Variants in SNX29 observed in about 807,000 individuals in gnomAD.
SNX29 encodes the protein sorting nexin 29.
In SNX29, 78 loss-of-function variants were observed where a neutral mutation model predicts 102.1. The ratio of observed to expected loss-of-function variants is 0.76; its 90% CI spans 0.64 to 0.92. The LOEUF (loss-of-function observed/expected upper bound fraction) is 0.92. Ranked by LOEUF, SNX29 falls within the 40% of genes least tolerant of loss-of-function variation. The pLI is 0.00. For missense variants in SNX29, 1,280 were observed against 1,061.7 expected, an observed-to-expected ratio of 1.21 and a Z score of -2.86; for synonymous variants, 580 against 414.5, an observed-to-expected ratio of 1.40 and a Z score of -4.85.
intron 20 of SNX29, among the ~76,000 whole-genome samples, chr16:12,551,493 A>G (rs1324369350): frequency 1.3e-5 from 2 of 152,186 alleles, no homozygotes; most frequent in South Asian, 2.1e-4. Context: ...TGCAACATTA[A>G]TCTTTGGGCC....
intron 6 of SNX29, 72 bp downstream of exon 6, chr16:12,046,526 C>T: frequency 3.5e-6 from 5 of 1,436,022 alleles, no homozygotes; most frequent in Non-Finnish European, 4.9e-6. Context: ...GGCAGTTCCA[C>T]AGCGCCATGG....
intron 14 of SNX29, among the ~76,000 whole-genome samples, chr16:12,266,581 T>G (rs1248836558): frequency 6.6e-6 from 1 of 151,346 alleles, no homozygotes; most frequent in African/African-American, 2.4e-5. Context: ...ATATATTTGC[T>G]ATTATGAATT....
chr16:12,151,435 A>G (rs2055295872), intron 13 of SNX29, among the ~76,000 whole-genome samples: 1 of 152,158 alleles, frequency 6.6e-6, no homozygotes, highest in Admixed American at 6.5e-5. Context: ...AGCTCATGCC[A>G]TTCTTATGTG....
At chr16:12,236,100 C>T (rs1404175401) in intron 14 of SNX29, among the ~76,000 whole-genome samples, 1 of 152,148 alleles carries the variant, frequency 6.6e-6, no homozygotes, top group African/African-American at 2.4e-5. Flanking sequence ...GCTTTACGTA[C>T]TTATTTCCCA....
At chr16:12,540,253 A>G (rs1023298550) in intron 20 of SNX29, among the ~76,000 whole-genome samples, 1 of 151,962 alleles carries the variant, frequency 6.6e-6, no homozygotes, top group Non-Finnish European at 1.5e-5. Context: ...CCCCACCCCC[A>G]GCGTAAGGTC....
intron 19 of SNX29, among the ~76,000 whole-genome samples, chr16:12,508,827 T>A (rs1235536032): frequency 3.3e-5 from 5 of 152,174 alleles, no homozygotes; most frequent in Non-Finnish European, 7.3e-5. Flanking sequence ...CCCAGCCATG[T>A]CCTACCCTGA....
intron 13 of SNX29, among the ~76,000 whole-genome samples, chr16:12,184,653 C>T (rs937034021): frequency 1.4e-4 from 21 of 152,288 alleles, no homozygotes; most frequent in African/African-American, 3.9e-4. Flanking sequence ...AAAAGGCTTC[C>T]AGGTACATTG....
intron 20 of SNX29, among the ~76,000 whole-genome samples, chr16:12,543,899 A>C: frequency 6.6e-6 from 1 of 152,160 alleles, no homozygotes; most frequent in East Asian, 1.9e-4. Context: ...GTATTCCTTC[A>C]TCCTGGATTG....
chr16:12,047,249 T>A (rs1414307822), intron 6 of SNX29, among the ~76,000 whole-genome samples: 2 of 152,222 alleles, frequency 1.3e-5, no homozygotes, highest in African/African-American at 4.8e-5. Flanking sequence ...GTCGGTGGAC[T>A]GTTACGTTGT....
At chr16:12,462,684 C>G (rs1022055007) in intron 18 of SNX29, among the ~76,000 whole-genome samples, 9 of 152,094 alleles carry the variant, frequency 5.9e-5, no homozygotes, top group African/African-American at 2.2e-4. Context: ...AAACAAGGGT[C>G]CAGCTTCTAT....
intron 16 of SNX29, among the ~76,000 whole-genome samples, chr16:12,364,876 C>T (rs2082415680): frequency 6.6e-6 from 1 of 152,192 alleles, no homozygotes. Flanking sequence ...GCTCCTTCCC[C>T]ACCACCTCCG....
rs753961907 is a variant in SNX29 at position 12,053,967 on chromosome 16, G to GTTTT, written c.1124+1747_1124+1750dup. On this transcript the variant is annotated intron_variant, in intron 8 of 20. Transcript: ENST00000566228. ...CTGTAATCCAAAGCTTATATTGTCA[G>GTTTT]TTTTTGTTTTTTTTTTTTGAGACAG... 4.8e-5 allele frequency among the ~76,000 whole-genome samples: 7 copies of GTTTT among 146,706 alleles called. 1 individual carries two copies. Among genetic ancestry groups the GTTTT allele is most frequent in the Admixed American group, 6.8e-5 (1 of 14,674 alleles).
At chr16:12,308,445 T>C (rs1221827665) in intron 15 of SNX29, among the ~76,000 whole-genome samples, 1 of 152,220 alleles carries the variant, frequency 6.6e-6, no homozygotes, top group African/African-American at 2.4e-5. Flanking sequence ...CCTGGATTGT[T>C]GCTGTAGCCT....
chr16:12,326,489 A>G (rs966722358), intron 15 of SNX29, among the ~76,000 whole-genome samples: 10 of 152,134 alleles, frequency 6.6e-5, no homozygotes, highest in African/African-American at 2.2e-4. Flanking sequence ...TGTGATGGCC[A>G]TGTGGTCTCT....
chr16:12,319,048 A>G (rs2080844973), intron 15 of SNX29, among the ~76,000 whole-genome samples: 1 of 152,166 alleles, frequency 6.6e-6, no homozygotes, highest in African/African-American at 2.4e-5. Context: ...GTTTCTTCAC[A>G]TCCCCAGTAA....
intron 20 of SNX29, among the ~76,000 whole-genome samples, chr16:12,558,817 G>T (rs558101799): frequency 1.3e-5 from 2 of 152,300 alleles, no homozygotes; most frequent in African/African-American, 4.8e-5. Context: ...GGGCTCCCTA[G>T]GGGCAGGGCC....
intron 11 of SNX29, among the ~76,000 whole-genome samples, chr16:12,125,796 A>G (rs1468527326): frequency 1.3e-5 from 2 of 151,970 alleles, no homozygotes; most frequent in East Asian, 3.9e-4. Flanking sequence ...CTTGCCAGGC[A>G]AGCATTGCTG....
chr16:12,046,629 A>G (rs1352624267), intron 6 of SNX29, among the ~76,000 whole-genome samples, 175 bp downstream of exon 6: 1 of 152,046 alleles, frequency 6.6e-6, no homozygotes, highest in South Asian at 2.1e-4. Flanking sequence ...TTTAATTTGT[A>G]TTCCTTTAAA....
chr16:12,309,332 C>T (rs994579255), intron 15 of SNX29, among the ~76,000 whole-genome samples: 4 of 152,208 alleles, frequency 2.6e-5, no homozygotes, highest in Admixed American at 6.5e-5. Flanking sequence ...CCCAATGCAA[C>T]AGTAGCCTAA....
Sources: gnomAD v4.1 joint callset for allele counts (sites outside exome capture counted in the v4.1 genomes callset) on GRCh38, gnomAD v4.1.1 for gene constraint, MANE v1.5 for transcripts, NCBI Gene and HGNC (gene_info 2026-07-23, HGNC 2026-07-21) for gene names.